The following PACC1 variants were observed in gnomAD, a reference collection of about 807,000 sequenced individuals.
PACC1 encodes proton-activated chloride channel.
PACC1 carries 34 observed loss-of-function variants against 39.7 expected under a neutral mutation model. That is an observed-to-expected ratio of 0.86 (90% CI 0.65 to 1.14). PACC1 has a LOEUF of 1.14. Among genes scored for constraint, PACC1 ranks in the 50% most tolerant of loss-of-function variants. PACC1 has a pLI of 0.00. For synonymous variants in PACC1, 127 were observed against 160.6 expected, an observed-to-expected ratio of 0.79 and a Z score of 1.58; for missense variants, 379 against 436.4, an observed-to-expected ratio of 0.87 and a Z score of 1.17.
At chr1:212,410,582 CTAGAAT>C in intron 1 of PACC1, 61 bp from the exon 2 acceptor site, 1 of 1,453,922 alleles carries the variant, frequency 6.9e-7, no homozygotes, top group Non-Finnish European at 9.7e-7. Flanking sequence ...CTTTTCTACA[CTAGAAT>C]AAGAAAGCAG....
chr1:212,389,801 T>A (rs1571657206), intron 2 of PACC1, among the ~76,000 whole-genome samples: 1 of 152,206 alleles, frequency 6.6e-6, no homozygotes, highest in African/African-American at 2.4e-5. Flanking sequence ...TGAAAGTGCT[T>A]AATATCACTG....
intron 7 of PACC1, among the ~76,000 whole-genome samples, chr1:212,368,299 G>A (rs1214331062): frequency 6.6e-6 from 1 of 152,160 alleles, no homozygotes; most frequent in Non-Finnish European, 1.5e-5. Flanking sequence ...TGTGAAGACT[G>A]AAATAAACAC....
At chr1:212,408,826 A>G (rs533498892) in intron 2 of PACC1, among the ~76,000 whole-genome samples, 2 of 152,338 alleles carry the variant, frequency 1.3e-5, no homozygotes, top group East Asian at 3.9e-4. Context: ...TAGGCTGGTG[A>G]GCAAAACAGA....
At chr1:212,404,522 CA>C (rs1661835804) in intron 2 of PACC1, among the ~76,000 whole-genome samples, 2 of 151,874 alleles carry the variant, frequency 1.3e-5, no homozygotes, top group Non-Finnish European at 2.9e-5. Context: ...CTACTTTGCT[CA>C]CCAGCCCTCT....
At chr1:212,414,591 A>T in intron 1 of PACC1, 131 bp downstream of exon 1, 1 of 1,155,898 alleles carries the variant, frequency 8.7e-7, no homozygotes, top group Non-Finnish European at 1.2e-6. Context: ...CCCTCCCCTG[A>T]CGCACCCGTC....
At chr1:212,402,886 T>G (rs551181931) in intron 2 of PACC1, among the ~76,000 whole-genome samples, 1 of 152,298 alleles carries the variant, frequency 6.6e-6, no homozygotes, top group Admixed American at 6.5e-5. Context: ...AATCCTGACC[T>G]TAGGTGATCC....
At chr1:212,407,158 C>T (rs921885764) in intron 2 of PACC1, among the ~76,000 whole-genome samples, 7 of 152,094 alleles carry the variant, frequency 4.6e-5, no homozygotes, top group Admixed American at 1.3e-4. Context: ...TGGGTGGGCC[C>T]GATGTGATCA....
At chr1:212,403,667 C>T (rs1558181699) in intron 2 of PACC1, among the ~76,000 whole-genome samples, 1 of 152,162 alleles carries the variant, frequency 6.6e-6, no homozygotes, top group Non-Finnish European at 1.5e-5. Context: ...TGGGCTCAAG[C>T]GATTCTTCCA....
intron 2 of PACC1, among the ~76,000 whole-genome samples, chr1:212,406,409 A>G (rs888757014): frequency 6.6e-6 from 1 of 152,164 alleles, no homozygotes; most frequent in African/African-American, 2.4e-5. Flanking sequence ...CCAGCTACTC[A>G]AGAGGCTGAG....
chr1:212,377,764 C>A, intron 5 of PACC1, 58 bp from the exon 6 acceptor site: 1 of 1,590,726 alleles, frequency 6.3e-7, no homozygotes. Flanking sequence ...CAGCAGGAGT[C>A]GAAGCCCCCA....
rs913658699 is a variant in PACC1, at chr1:212,412,127, G to A, written c.37-1606C>T. Among the ~76,000 whole-genome samples, 3 of 151,594 alleles carry A rather than the reference G, an allele frequency of 2.0e-5. No individual in the cohort carries two copies. In the South Asian group the frequency reaches 6.2e-4, roughly 32 times the overall value. ...TTGCACTCCAGTCTGAGTGACAAGAGTGAAACTCAGTCTCAAAAAAAAAAA... is the reference window on the plus strand; with the variant it reads ...TTGCACTCCAGTCTGAGTGACAAGAATGAAACTCAGTCTCAAAAAAAAAAA... On this transcript the variant is annotated intron_variant, in intron 1 of 7. Transcript: ENST00000261455.
intron 4 of PACC1, among the ~76,000 whole-genome samples, chr1:212,380,261 C>G (rs1429801034): frequency 1.3e-5 from 2 of 152,210 alleles, no homozygotes; most frequent in African/African-American, 4.8e-5. Context: ...CCTCTGTCCA[C>G]TTTTCTCATT....
At chr1:212,376,176 C>T (rs1660659125) in intron 6 of PACC1, among the ~76,000 whole-genome samples, 1 of 152,104 alleles carries the variant, frequency 6.6e-6, no homozygotes, top group Non-Finnish European at 1.5e-5. Context: ...GTAACAAAGG[C>T]AGAAACCAGC....
intron 3 of PACC1, among the ~76,000 whole-genome samples, chr1:212,385,968 C>T (rs1478678609): frequency 6.6e-6 from 1 of 152,182 alleles, no homozygotes; most frequent in Admixed American, 6.5e-5. Context: ...CAGAGACAGA[C>T]AGACTTCAGA....
At chr1:212,412,789 G>A (rs533107734) in intron 1 of PACC1, among the ~76,000 whole-genome samples, 1 of 152,346 alleles carries the variant, frequency 6.6e-6, no homozygotes, top group South Asian at 2.1e-4. Flanking sequence ...AAAGCATCCT[G>A]GACGCAGGAG....
chr1:212,368,055 A>G (rs1298857114), intron 7 of PACC1, among the ~76,000 whole-genome samples: 1 of 152,074 alleles, frequency 6.6e-6, no homozygotes, highest in African/African-American at 2.4e-5. Context: ...CTTGAGGGAA[A>G]GATAAGGGAC....
intron 7 of PACC1, among the ~76,000 whole-genome samples, chr1:212,372,220 G>A (rs1407648899): frequency 2.0e-5 from 3 of 151,768 alleles, no homozygotes; most frequent in Admixed American, 6.6e-5. Context: ...GGGAGGCAGG[G>A]GTTGTAGTGA....
chr1:212,379,926 G>A lies in PACC1; in HGVS notation c.607C>T (p.Leu203Phe), dbSNP rs370778915. 15 of 1,614,114 alleles carry A rather than the reference G, an allele frequency of 9.3e-6. No individual in the cohort carries two copies. Among genetic ancestry groups the A allele is most frequent in the Non-Finnish European group, 1.3e-5 (15 of 1,180,056 alleles). ...AGGAACTCCTGGAAAGAAGAGAAGA[G>A]GAGGTAATCAATGGCGCTGAAGTCC... The part of the protein sequence containing the change: ...SEDFSAIDYL[L>F]FSSFQEFLQS... The change falls in exon 5 of 8, where the codon CTC becomes TTC. Residue 203 changes from leucine to phenylalanine, a missense_variant. Coordinates refer to ENST00000261455, the MANE Select transcript of PACC1 (RefSeq NM_018252.3).
intron 5 of PACC1, among the ~76,000 whole-genome samples, chr1:212,378,628 G>A (rs762891567): frequency 2.0e-5 from 3 of 152,136 alleles, no homozygotes; most frequent in Non-Finnish European, 2.9e-5. Flanking sequence ...TAGGCTCCAC[G>A]GTGTGACCCC....
Sources: allele counts gnomAD v4.1 joint callset (sites outside exome capture counted in the v4.1 genomes callset), GRCh38; gene constraint gnomAD v4.1.1; transcripts MANE v1.5; gene names NCBI Gene and HGNC (gene_info 2026-07-23, HGNC 2026-07-21).